Variants in ZBTB44 observed in about 807,000 individuals in gnomAD.
The protein encoded by ZBTB44 is zinc finger and BTB domain containing 44.
In ZBTB44, 15 loss-of-function variants were observed where a neutral mutation model predicts 54.0. The observed-to-expected ratio is 0.28, with a 90% confidence interval of 0.19 to 0.43. The LOEUF (loss-of-function observed/expected upper bound fraction) is 0.43, where lower values mean the gene tolerates loss of function less well. Ranked by LOEUF, ZBTB44 falls within the 20% of genes least tolerant of loss-of-function variation. The probability of loss-of-function intolerance (pLI) is 1.00; values close to 1 mark genes in which losing one functional copy is unlikely to be tolerated. For synonymous variants in ZBTB44, 230 were observed against 250.1 expected, an observed-to-expected ratio of 0.92 and a Z score of 0.76; for missense variants, 487 against 707.1, an observed-to-expected ratio of 0.69 and a Z score of 3.53.
At position 130,229,985 on chromosome 11, in the gene ZBTB44, G is replaced by A. The variant is rs1196190699; in HGVS notation, c.*1779C>T. The A allele has an allele frequency of 6.6e-6, 1 of 151,934 alleles. No individual in the cohort carries two copies. The allele number at this position is 151,934 out of a possible 1,614,324, so 9.4% of individuals were successfully genotyped here. On this transcript the variant is annotated 3_prime_UTR_variant, in exon 8 of 8. Transcript: ENST00000357899. ...ATACTTTGCAGATGACTGAAACAAA[G>A]TAACATATGAAAGTTTCTAATTCTT...
intron 1 of ZBTB44, among the ~76,000 whole-genome samples, chr11:130,281,272 C>A (rs977148307): frequency 1.3e-5 from 2 of 152,144 alleles, no homozygotes; most frequent in East Asian, 1.9e-4. Flanking sequence ...GTAATCCCAG[C>A]ACTTTGGGAG....
chr11:130,285,655 AT>A, intron 1 of ZBTB44: 2 of 266,160 alleles, frequency 7.5e-6, no homozygotes, highest in Non-Finnish European at 7.5e-6. Flanking sequence ...TCACAGTCTA[AT>A]TTTTTATTTG....
chr11:130,269,549 C>T (rs1173738029), intron 1 of ZBTB44, among the ~76,000 whole-genome samples: 2 of 152,152 alleles, frequency 1.3e-5, no homozygotes, highest in Admixed American at 1.3e-4. Flanking sequence ...TGCTATCACA[C>T]ATTCTTGTGA....
rs2136437408 is a variant in ZBTB44 at position 130,261,480 on chromosome 11, T to C, written c.394A>G (p.Thr132Ala). ...CCCTTTTCAGGTTGGCTGTTGGGTGTATTCCATAAAATGCTTGATTTCATG... is the reference window on the plus strand; with the variant it reads ...CCCTTTTCAGGTTGGCTGTTGGGTGCATTCCATAAAATGCTTGATTTCATG... The part of the protein sequence containing the change: ...EFMKSSILWN[T>A]PNSQPEKGLD... Residue 132 changes from threonine to alanine, a missense_variant, in exon 2 of 8, where the codon ACA (threonine) becomes GCA (alanine). This residue lies in a region of ZBTB44 where 277 missense variants were observed against 306.5 expected (regional missense o/e 0.90). Coordinates refer to ENST00000357899, the MANE Select transcript of ZBTB44 (RefSeq NM_001301098.2). The surrounding 1 kb of genome is among the most constrained non-coding windows in gnomAD (Gnocchi z 4.8). The C allele has an allele frequency of 6.2e-7, 1 of 1,614,046 alleles. No homozygotes were observed. The highest frequency in any genetic ancestry group is 8.5e-7 in the Non-Finnish European group (1 of 1,179,890).
intron 1 of ZBTB44, among the ~76,000 whole-genome samples, chr11:130,283,808 A>T (rs1940715688): frequency 6.6e-6 from 1 of 151,696 alleles, no homozygotes; most frequent in African/African-American, 2.4e-5. Context: ...TCTACTAAAA[A>T]TACAAAAAAA....
At position 130,228,265 on chromosome 11, in the gene ZBTB44, CA is replaced by C. The variant is rs1478760412; in HGVS notation, c.*3498del. 1 of 152,108 alleles carries C rather than the reference CA, an allele frequency of 6.6e-6. No homozygotes were observed. The highest frequency in any genetic ancestry group is 1.5e-5 in the Non-Finnish European group (1 of 68,018). 9.4% of individuals were successfully genotyped at this position (152,108 alleles called of 1,614,324 possible). Reference sequence around the variant, plus strand: ...TTTAAAAAATACCTTGAGATATAAGCATTAGAAGTCATCACTTTGTACAAGG... The same window carrying C: ...TTTAAAAAATACCTTGAGATATAAGCTTAGAAGTCATCACTTTGTACAAGG... On this transcript the variant is annotated 3_prime_UTR_variant, in exon 8 of 8. Coordinates refer to ENST00000357899, the MANE Select transcript of ZBTB44 (RefSeq NM_001301098.2).
At chr11:130,251,458 ACTC>A (rs1937995358) in intron 2 of ZBTB44, among the ~76,000 whole-genome samples, 1 of 152,120 alleles carries the variant, frequency 6.6e-6, no homozygotes, top group Admixed American at 6.5e-5. Context: ...TCATTAAGAT[ACTC>A]CTCGAGAATA....
At chr11:130,275,129 A>G (rs1014749953) in intron 1 of ZBTB44, among the ~76,000 whole-genome samples, 4 of 152,016 alleles carry the variant, frequency 2.6e-5, no homozygotes, top group African/African-American at 9.7e-5. Context: ...TATGATCTTT[A>G]TTATTTCCTT....
intron 2 of ZBTB44, among the ~76,000 whole-genome samples, chr11:130,250,533 G>A (rs758928332): frequency 3.3e-5 from 5 of 152,100 alleles, no homozygotes; most frequent in South Asian, 2.1e-4. Context: ...GGAGAGCTCC[G>A]GCTGGCATCA....
At chr11:130,310,856 C>G (rs188733517) in intron 1 of ZBTB44, among the ~76,000 whole-genome samples, 1 of 152,284 alleles carries the variant, frequency 6.6e-6, no homozygotes, top group Admixed American at 6.5e-5. Context: ...CCTGCCTCAG[C>G]TTCCCAAGTA....
chr11:130,260,026 T>TA (rs1472390475), intron 2 of ZBTB44, among the ~76,000 whole-genome samples: 3 of 151,528 alleles, frequency 2.0e-5, no homozygotes, highest in Non-Finnish European at 4.4e-5. Context: ...AATAAATAAA[T>TA]AATAAAGAAA....
At chr11:130,266,402 C>T (rs1324701157) in intron 1 of ZBTB44, among the ~76,000 whole-genome samples, 1 of 152,184 alleles carries the variant, frequency 6.6e-6, no homozygotes, top group African/African-American at 2.4e-5. Flanking sequence ...TTCATGGCTG[C>T]TAATATAACA....
At chr11:130,291,141 T>C (rs886555609) in intron 1 of ZBTB44, among the ~76,000 whole-genome samples, 6 of 152,128 alleles carry the variant, frequency 3.9e-5, no homozygotes, top group African/African-American at 1.4e-4. Flanking sequence ...CTTTGTTGTT[T>C]TTTTTTTTGA....
intron 1 of ZBTB44, among the ~76,000 whole-genome samples, chr11:130,276,655 A>C (rs1331840312): frequency 6.6e-6 from 1 of 151,928 alleles, no homozygotes; most frequent in African/African-American, 2.4e-5. Context: ...GGCTGGTCTC[A>C]AACTCCTAAG....
chr11:130,301,529 T>G (rs1309391557), intron 1 of ZBTB44, among the ~76,000 whole-genome samples: 1 of 151,994 alleles, frequency 6.6e-6, no homozygotes, highest in Non-Finnish European at 1.5e-5. Flanking sequence ...CTGCGTGTGG[T>G]GGTGTGCATC....
intron 2 of ZBTB44, among the ~76,000 whole-genome samples, chr11:130,257,703 C>T (rs1938555118): frequency 6.6e-6 from 1 of 152,180 alleles, no homozygotes. Flanking sequence ...CCCAGGGAAA[C>T]TCACACAGAG....
chr11:130,242,210 G>A (rs774763234), intron 2 of ZBTB44, among the ~76,000 whole-genome samples: 2 of 152,120 alleles, frequency 1.3e-5, no homozygotes, highest in Non-Finnish European at 2.9e-5. Context: ...GGTTGCCTTA[G>A]AAATTAGAGA....
chr11:130,241,069 A>G lies in ZBTB44; in HGVS notation c.1019-1173T>C, dbSNP rs544109408. ...GGACTCATCGTTTTTACGTGTAACC[A>G]AAGTTTATTTTCATTGTTTATAATA... On this transcript the variant is annotated intron_variant, in intron 2 of 7. Transcript: ENST00000357899. Among the ~76,000 whole-genome samples, 3 of 152,322 alleles carry G rather than the reference A, an allele frequency of 2.0e-5. No homozygotes were observed. The South Asian group carries it at 6.2e-4, about 32-fold the overall frequency.
Position 130,231,573 on chromosome 11 carries a change from G to A in ZBTB44, c.*191C>T, listed in dbSNP as rs578207718. On this transcript the variant is annotated 3_prime_UTR_variant, in exon 8 of 8. Coordinates refer to ENST00000357899, the MANE Select transcript of ZBTB44 (RefSeq NM_001301098.2). ...CAACATTGTGCTTGGCTCTTAATGC[G>A]AAGTTTTCAGGGTTGGGGATGTGCT... The A allele has an allele frequency of 7.2e-5, 11 of 152,196 alleles. No homozygotes were observed. The highest frequency in any genetic ancestry group is 3.3e-4 in the Admixed American group (5 of 15,294). 9.4% of individuals were successfully genotyped at this position (152,196 alleles called of 1,614,324 possible).
Sources: allele counts gnomAD v4.1 joint callset (sites outside exome capture counted in the v4.1 genomes callset), GRCh38; gene constraint gnomAD v4.1.1; regional missense constraint gnomAD v4.1.1; non-coding constraint Gnocchi (gnomAD v3.1); transcripts MANE v1.5; gene names NCBI Gene and HGNC (gene_info 2026-07-23, HGNC 2026-07-21).